The following PHYH variants were observed in gnomAD, a reference collection of about 807,000 sequenced individuals.
PHYH encodes the protein phytanoyl-CoA 2-hydroxylase, also known as phytanoyl-CoA dioxygenase, peroxisomal.
PHYH carries 32 observed loss-of-function variants against 38.5 expected under a neutral mutation model. The ratio of observed to expected loss-of-function variants is 0.83; its 90% CI spans 0.63 to 1.12. PHYH has a LOEUF of 1.12. PHYH is among the 50% of genes most tolerant of loss of function. PHYH has a pLI of 0.00. For missense variants in PHYH, 426 were observed against 434.8 expected (o/e 0.98, Z 0.18); for synonymous variants, 166 against 157.9 (o/e 1.05, Z -0.38).
chr10:13,288,869 G>A (rs1324517454), intron 5 of PHYH, among the ~76,000 whole-genome samples: 4 of 140,812 alleles, frequency 2.8e-5, no homozygotes, highest in African/African-American at 8.1e-5. Context: ...TGATTGCACT[G>A]CTGCATTACA....
chr10:13,296,374 C>G (rs951413000), intron 2 of PHYH, among the ~76,000 whole-genome samples: 1 of 150,306 alleles, frequency 6.7e-6, no homozygotes, highest in African/African-American at 2.5e-5. Context: ...GTCGGGAGTT[C>G]GAGACCAGCC....
In PHYH at chr10:13,283,772, A is replaced by G. The variant is rs760332267; in HGVS notation, c.746T>C (p.Val249Ala). ...YEENKARVHLVMEKGDTVFFH... is the reference protein window; with the variant it reads ...YEENKARVHLAMEKGDTVFFH... Reference sequence around the variant, plus strand: ...GAAAACAGTGTCGCCCTTCTCCATCACCAGGTGCACCCGGGCCTTGTTTTC... The same window carrying G: ...GAAAACAGTGTCGCCCTTCTCCATCGCCAGGTGCACCCGGGCCTTGTTTTC... The change falls in exon 7 of 9, where the codon GTG (valine) becomes GCG (alanine). Residue 249 changes from valine to alanine, a missense_variant. Coordinates refer to ENST00000263038, the MANE Select transcript of PHYH (RefSeq NM_006214.4). The G allele has an allele frequency of 3.1e-6, 5 of 1,613,804 alleles. No individual in the cohort carries two copies. Among genetic ancestry groups the G allele is most frequent in the African/African-American group, 1.3e-5 (1 of 74,896 alleles).
intron 8 of PHYH, among the ~76,000 whole-genome samples, chr10:13,279,607 C>G (rs1042291234): frequency 2.6e-5 from 4 of 152,046 alleles, no homozygotes; most frequent in African/African-American, 9.7e-5. Context: ...TTATACTGCC[C>G]CACCGGGTTT....
At position 13,286,655 on chromosome 10, in the gene PHYH, C is replaced by T. The variant is rs1428243941; in HGVS notation, c.678+1705G>A. Among the ~76,000 whole-genome samples the T allele has an allele frequency of 4.7e-5, 7 of 148,640 alleles. 1 individual carries two copies. The highest frequency in any genetic ancestry group is 4.1e-4 in the Admixed American group (6 of 14,792). On this transcript the variant is annotated intron_variant, in intron 6 of 8. Transcript: ENST00000263038. ...GTCGGAGGTTGCAGTGAGCCAAGAT[C>T]GTGCCACTGCACTCCAGCCTGGTGA...
Position 13,294,462 on chromosome 10 carries a change from T to C in PHYH, c.380A>G (p.Asp127Gly), listed in dbSNP as rs1272687602. 6.2e-7 allele frequency: 1 copy of C among 1,614,078 alleles called. No individual in the cohort carries two copies. The highest frequency in any genetic ancestry group is 8.5e-7 in the Non-Finnish European group (1 of 1,180,026). The change falls in exon 4 of 9, where the codon GAT becomes GGT. Residue 127 changes from aspartate (D) to glycine (G), a missense_variant. Physicochemically the swap from Asp to Gly is moderately conservative, Grantham distance 94. Coordinates refer to ENST00000263038, the MANE Select transcript of PHYH (RefSeq NM_006214.4). ...AGTGCAGTATCTGAAGAGCTCCTTATCTTCCTGGAAATCCTGGACCTTCGT... is the reference window on the plus strand; with the variant it reads ...AGTGCAGTATCTGAAGAGCTCCTTACCTTCCTGGAAATCCTGGACCTTCGT... ...MITKVQDFQE[D>G]KELFRYCTLP...
At chr10:13,291,664 G>C in intron 5 of PHYH, 167 bp downstream of exon 5, 1 of 624,170 alleles carries the variant, frequency 1.6e-6, no homozygotes, top group Non-Finnish European at 2.8e-6. Context: ...TTTATTTTTA[G>C]AGACAGAGCC....
intron 5 of PHYH, among the ~76,000 whole-genome samples, chr10:13,289,345 G>A (rs1264121331): frequency 2.6e-5 from 4 of 152,068 alleles, no homozygotes; most frequent in East Asian, 3.9e-4. Context: ...ACAGGCGCCC[G>A]CCACCACGCC....
intron 7 of PHYH, among the ~76,000 whole-genome samples, chr10:13,282,805 G>A (rs1336931434): frequency 2.0e-5 from 3 of 151,810 alleles, no homozygotes; most frequent in Non-Finnish European, 4.4e-5. Flanking sequence ...TTTAAATTTC[G>A]CATTAAAATG....
At chr10:13,285,016 C>T (rs182255072) in intron 6 of PHYH, among the ~76,000 whole-genome samples, 1 of 152,318 alleles carries the variant, frequency 6.6e-6, no homozygotes, top group African/African-American at 2.4e-5. Flanking sequence ...AAACTTTTCC[C>T]TTTGCCTTCT....
intron 4 of PHYH, among the ~76,000 whole-genome samples, chr10:13,292,666 C>T (rs565349142): frequency 1.4e-4 from 21 of 152,252 alleles, no homozygotes; most frequent in African/African-American, 4.1e-4. Flanking sequence ...GGTGCGTTAG[C>T]GCACACCTGT....
intron 7 of PHYH, among the ~76,000 whole-genome samples, chr10:13,282,125 C>G (rs1288323517): frequency 2.0e-5 from 3 of 151,988 alleles, no homozygotes; most frequent in African/African-American, 7.3e-5. Context: ...GTCATGCATG[C>G]CTGTAGTCCC....
intron 1 of PHYH, chr10:13,299,442 G>A: frequency 1.0e-6 from 1 of 1,001,114 alleles, no homozygotes; most frequent in Non-Finnish European, 1.2e-6. Context: ...CCCAAATAGT[G>A]TCTTTATATA....
chr10:13,281,038 C>G lies in PHYH; in HGVS notation c.901G>C (p.Glu301Gln), dbSNP rs751411612. 8 of 1,614,070 alleles carry G rather than the reference C, an allele frequency of 5.0e-6. No individual in the cohort carries two copies. In the East Asian group the frequency reaches 1.6e-4, roughly 31 times the overall value. Reference sequence around the variant, plus strand: ...TGTGCTATTCCTACAACTTCCTTCTCGATGTTTTCTTGACTGGTGCCCTTC... The same window carrying G: ...TGTGCTATTCCTACAACTTCCTTCTGGATGTTTTCTTGACTGGTGCCCTTC... ...DVKGTSQENIEKEVVGIAHKF... is the reference protein window; with the variant it reads ...DVKGTSQENIQKEVVGIAHKF... Residue 301 changes from glutamate to glutamine, a missense_variant, in exon 8 of 9, where the codon GAG (glutamate) becomes CAG (glutamine). Physicochemically the swap from Glu to Gln is conservative, Grantham distance 29 (BLOSUM62 2). Transcript: ENST00000263038.
At chr10:13,287,506 G>A (rs1733042101) in intron 6 of PHYH, among the ~76,000 whole-genome samples, 1 of 152,058 alleles carries the variant, frequency 6.6e-6, no homozygotes, top group Admixed American at 6.6e-5. Context: ...CTCCTCTGCT[G>A]CTCCCCAAAA....
rs775730332 is a variant in PHYH, at chr10:13,288,511, T to C, written c.527A>G (p.Gln176Arg). The change falls in exon 6 of 9, where the codon CAG (glutamine) becomes CGG (arginine). Residue 176 changes from glutamine (Q) to arginine (R), a missense_variant. Physicochemically the swap from Gln to Arg is conservative, Grantham distance 43. Transcript: ENST00000263038. ...CCTGAAGGGGAAATAGTGCAGGTCC[T>C]GGTGCAGGGGGTGACGGGACGTCTT... ...GKKTSRHPLH[Q>R]DLHYFPFRPS... The C allele has an allele frequency of 3.7e-6, 6 of 1,614,054 alleles. No homozygotes were observed. In the African/African-American group the frequency reaches 4.0e-5, roughly 11 times the overall value.
At chr10:13,280,895 T>C in intron 8 of PHYH, 81 bp downstream of exon 8, 1 of 1,333,294 alleles carries the variant, frequency 7.5e-7, no homozygotes, top group East Asian at 2.3e-5. Context: ...TACTGTCAAA[T>C]AAACTAGGTA....
At chr10:13,298,128 C>T in intron 2 of PHYH, 59 bp downstream of exon 2, 1 of 984,818 alleles carries the variant, frequency 1.0e-6, no homozygotes, top group Non-Finnish European at 1.6e-6. Context: ...ATCTTCATTA[C>T]CACTCAAGAA....
Position 13,283,926 on chromosome 10 carries a change from C to G in PHYH, c.679-87G>C, listed in dbSNP as rs1835481745. 21 of 1,130,402 alleles carry G rather than the reference C, an allele frequency of 1.9e-5. 1 individual carries two copies. In the South Asian group the frequency reaches 2.5e-4, roughly 13 times the overall value. The allele number at this position is 1,130,402 out of a possible 1,614,324, so 70.0% of individuals were successfully genotyped here. ...ATGGTTCATCAGGGAAAGCAAACAT[C>G]AGGGAAAGAAAGCATTTCTCTCTCC... On this transcript the variant is annotated intron_variant, in intron 6 of 8. Coordinates refer to ENST00000263038, the MANE Select transcript of PHYH (RefSeq NM_006214.4).
intron 6 of PHYH, among the ~76,000 whole-genome samples, chr10:13,287,388 C>A (rs1056974097): frequency 6.6e-6 from 1 of 152,074 alleles, no homozygotes; most frequent in African/African-American, 2.4e-5. Flanking sequence ...CTTCGATCTT[C>A]CTAAAAGTTT....
Sources: allele counts gnomAD v4.1 joint callset (sites outside exome capture counted in the v4.1 genomes callset), GRCh38; gene constraint gnomAD v4.1.1; transcripts MANE v1.5; gene names NCBI Gene and HGNC (gene_info 2026-07-23, HGNC 2026-07-21).